DDB1: variants seen among roughly 807,000 people sequenced by gnomAD.
DDB1 encodes damage specific DNA binding protein 1.
Under a neutral mutation model 133.1 loss-of-function variants are expected in DDB1, and 18 were observed. The observed-to-expected ratio is 0.14, with a 90% CI of 0.09 to 0.20. The LOEUF (loss-of-function observed/expected upper bound fraction) is 0.20. DDB1 is among the 10% of genes least tolerant of loss of function. The pLI is 1.00. For missense variants in DDB1, 828 were observed against 1,459.2 expected (o/e 0.57, Z 7.05); for synonymous variants, 580 against 550.5 (o/e 1.05, Z -0.75).
At position 61,304,445 on chromosome 11, in the gene DDB1, C is replaced by T. The variant is rs919383827; in HGVS notation, c.2662-410G>A. Among the ~76,000 whole-genome samples the T allele has an allele frequency of 4.6e-5, 7 of 151,154 alleles. No homozygotes were observed. In the South Asian group the frequency reaches 1.3e-3, roughly 27 times the overall value. ...TCATGCCACTGCATCCCAGCCTAGG[C>T]GACACAGCGAGACTCTGTCTCAAAA... On this transcript the variant is annotated intron_variant, in intron 21 of 26. Transcript: ENST00000301764.
At chr11:61,331,289 C>G (rs1167094696) in intron 2 of DDB1, among the ~76,000 whole-genome samples, 8 of 152,052 alleles carry the variant, frequency 5.3e-5, no homozygotes, top group African/African-American at 1.9e-4. Context: ...TCTCCTAAAG[C>G]ATATTCCACC....
At chr11:61,307,711 T>A (rs749301594) in intron 21 of DDB1, among the ~76,000 whole-genome samples, 1 of 152,130 alleles carries the variant, frequency 6.6e-6, no homozygotes, top group Non-Finnish European at 1.5e-5. Context: ...CTAGTGAACA[T>A]CTCCACTTAG....
intron 25 of DDB1, 86 bp downstream of exon 25, chr11:61,302,171 T>C: frequency 8.7e-7 from 1 of 1,153,846 alleles, no homozygotes; most frequent in East Asian, 2.3e-5. Context: ...AATCAAGACA[T>C]GTAGTAGCTT....
In DDB1 at chr11:61,321,407, T is replaced by A. The variant is rs78407960; in HGVS notation, c.1225+188A>T. The A allele has an allele frequency of 6.2e-4, 125 of 202,024 alleles. No homozygotes were observed. In the Middle Eastern group the frequency reaches 6.2e-3, roughly 10 times the overall value. 12.5% of individuals were successfully genotyped at this position (202,024 alleles called of 1,614,324 possible). ...ACCAATTTTGATCAGTAGTATTTTC[T>A]TTTTTTTTTTTTTCTAAAGTTTACT... On this transcript the variant is annotated intron_variant, in intron 10 of 26. Transcript: ENST00000301764.
intron 10 of DDB1, among the ~76,000 whole-genome samples, chr11:61,318,270 G>A (rs1490998362): frequency 1.3e-5 from 2 of 152,072 alleles, no homozygotes; most frequent in Non-Finnish European, 2.9e-5. Context: ...AACATACAAT[G>A]CCACAAGAAA....
intron 4 of DDB1, 49 bp downstream of exon 4, chr11:61,329,314 C>G: frequency 6.4e-7 from 1 of 1,573,348 alleles, no homozygotes. Flanking sequence ...AAAACAACTC[C>G]TATCACATCA....
intron 26 of DDB1, among the ~76,000 whole-genome samples, chr11:61,300,552 A>G (rs747089796): frequency 1.3e-5 from 2 of 152,224 alleles, no homozygotes; most frequent in Admixed American, 1.3e-4. Flanking sequence ...AAGATCCCAG[A>G]TATGTCTTCA....
chr11:61,325,489 T>C (rs1479167834), intron 6 of DDB1, 122 bp downstream of exon 6: 1 of 776,678 alleles, frequency 1.3e-6, no homozygotes, highest in Non-Finnish European at 2.1e-6. Context: ...ATACCTTATA[T>C]ACATAGTAAA....
At position 61,312,333 on chromosome 11, in the gene DDB1, T is replaced by TA. The variant is rs368747230; in HGVS notation, c.2070-250dup. ...CATTTAATGATAATGTGCAACCAGTTAAAAAAATCAACGCTCCAGGAATGT... is the reference window on the plus strand; with the variant it reads ...CATTTAATGATAATGTGCAACCAGTTAAAAAAAATCAACGCTCCAGGAATGT... On this transcript the variant is annotated intron_variant, in intron 16 of 26. Transcript: ENST00000301764. Among the ~76,000 whole-genome samples the TA allele has an allele frequency of 9.8e-4, 149 of 152,204 alleles. 1 individual carries two copies. Among genetic ancestry groups the TA allele is most frequent in the African/African-American group, 3.2e-3 (134 of 41,536 alleles).
At chr11:61,320,668 T>A (rs7934735) in intron 10 of DDB1, among the ~76,000 whole-genome samples, 1 of 151,712 alleles carries the variant, frequency 6.6e-6, no homozygotes, top group African/African-American at 2.4e-5. Flanking sequence ...AGGACTACAG[T>A]CACACGCCAC....
intron 8 of DDB1, 122 bp from the exon 9 acceptor site, chr11:61,322,534 T>A (rs1856199140): frequency 1.3e-6 from 1 of 758,442 alleles, no homozygotes; most frequent in African/African-American, 1.7e-5. Flanking sequence ...ATTCTCATGT[T>A]CCAAGGGATG....
chr11:61,328,045 A>G (rs1295076889), intron 4 of DDB1, among the ~76,000 whole-genome samples: 1 of 152,232 alleles, frequency 6.6e-6, no homozygotes, highest in Non-Finnish European at 1.5e-5. Context: ...TCTGAGACAC[A>G]CATGCAGAAA....
chr11:61,317,824 T>C (rs1331374461), intron 10 of DDB1, among the ~76,000 whole-genome samples: 1 of 152,190 alleles, frequency 6.6e-6, no homozygotes, highest in South Asian at 2.1e-4. Context: ...TTTTTAAAAG[T>C]ACACAGAAAA....
In DDB1 at chr11:61,314,318, G is replaced by A. The variant is rs1856029005; in HGVS notation, c.1579C>T (p.Arg527Trp). ...GAAAAACACACACACCTGATCTGCC[G>A]GAGCTCCTGAGGATGGATCTGCAGA... The part of the protein sequence containing the change: ...YYLQIHPQEL[R>W]QISHTEMEHE... Residue 527 changes from arginine to tryptophan, a missense_variant, in exon 13 of 27, where the codon CGG becomes TGG. Coordinates refer to ENST00000301764, the MANE Select transcript of DDB1 (RefSeq NM_001923.5). 6 of 1,611,072 alleles carry A rather than the reference G, an allele frequency of 3.7e-6. No homozygotes were observed. The highest frequency in any genetic ancestry group is 1.3e-5 in the African/African-American group (1 of 74,880).
chr11:61,304,269 T>C (rs943249472), intron 21 of DDB1, among the ~76,000 whole-genome samples: 2 of 152,122 alleles, frequency 1.3e-5, no homozygotes, highest in Non-Finnish European at 2.9e-5. Flanking sequence ...CAAGTTTTCC[T>C]TTACATAAAA....
chr11:61,310,156 C>T, intron 19 of DDB1, 139 bp downstream of exon 19: 1 of 1,396,338 alleles, frequency 7.2e-7, no homozygotes, highest in South Asian at 1.3e-5. Flanking sequence ...TCACTGCCAT[C>T]TCACAGAATT....
Position 61,309,973 on chromosome 11 carries a change from G to C in DDB1, c.2402-13C>G, listed in dbSNP as rs907612805. ...TGGGCATGAAGCACTAGAGAGTAGA[G>C]AGATGACTACGTGATGACAGGTTAC... On this transcript the variant is annotated splice_polypyrimidine_tract_variant and intron_variant, in intron 19 of 26. Transcript: ENST00000301764. 6.2e-7 allele frequency: 1 copy of C among 1,614,232 alleles called. No individual in the cohort carries two copies. The highest frequency in any genetic ancestry group is 1.1e-5 in the South Asian group (1 of 91,086).
In DDB1 at chr11:61,325,604, C is replaced by A. The variant is rs56207912; in HGVS notation, c.762+7G>T. ...ATGAAAGGAAAAAAAGGTAGGACTG[C>A]GCTCACCTTGATGATAGGAGGGGCA... On this transcript the variant is annotated splice_region_variant and intron_variant, in intron 6 of 26. Coordinates refer to ENST00000301764, the MANE Select transcript of DDB1 (RefSeq NM_001923.5). 5.0e-6 allele frequency: 8 copies of A among 1,611,104 alleles called. No individual in the cohort carries two copies. The highest frequency in any genetic ancestry group is 1.7e-5 in the Admixed American group (1 of 59,878).
chr11:61,327,975 C>T (rs911277747), intron 4 of DDB1, among the ~76,000 whole-genome samples: 4 of 152,184 alleles, frequency 2.6e-5, no homozygotes, highest in East Asian at 1.9e-4. Flanking sequence ...AAAACATTTT[C>T]CCATCAATGA....
Sources: allele counts gnomAD v4.1 joint callset (sites outside exome capture counted in the v4.1 genomes callset), GRCh38; gene constraint gnomAD v4.1.1; transcripts MANE v1.5; gene names NCBI Gene and HGNC (gene_info 2026-07-23, HGNC 2026-07-21).